Variants in ATXN10 observed in about 807,000 individuals in gnomAD.
The protein encoded by ATXN10 is ataxin-10.
A neutral mutation model predicts 52.9 loss-of-function variants in ATXN10; 28 were observed. That is an observed-to-expected ratio of 0.53 (90% CI 0.39 to 0.73). ATXN10 has a LOEUF of 0.73. Ranked by LOEUF, ATXN10 falls within the 30% of genes least tolerant of loss-of-function variation. The pLI is 0.00. For missense variants in ATXN10, 565 were observed against 577.0 expected, an observed-to-expected ratio of 0.98 and a Z score of 0.21; for synonymous variants, 226 against 221.5, an observed-to-expected ratio of 1.02 and a Z score of -0.18.
rs1380447677 is a variant in ATXN10, at chr22:45,835,338, G to A, written c.1238-7653G>A. Among the ~76,000 whole-genome samples the A allele has an allele frequency of 6.6e-6, 1 of 152,212 alleles. No homozygotes were observed. Among genetic ancestry groups the A allele is most frequent in the Non-Finnish European group, 1.5e-5 (1 of 68,038 alleles). On this transcript the variant is annotated intron_variant, in intron 10 of 11. Transcript: ENST00000252934. The surrounding 1 kb of genome is among the most constrained non-coding windows in gnomAD (Gnocchi z 5.0). Reference sequence around the variant, plus strand: ...GAGAGTACACGCCCAGCAAGGCCTGGACAGCGCACTGGTGCCACAGCCCTT... The same window carrying A: ...GAGAGTACACGCCCAGCAAGGCCTGAACAGCGCACTGGTGCCACAGCCCTT...
intron 9 of ATXN10, among the ~76,000 whole-genome samples, chr22:45,771,296 A>T (rs1337545901): frequency 1.3e-5 from 2 of 152,246 alleles, no homozygotes; most frequent in Admixed American, 1.3e-4. Context: ...AGTATTTTTA[A>T]TTTAACCATT....
chr22:45,711,727 G>A (rs776136101), intron 5 of ATXN10, among the ~76,000 whole-genome samples: 16 of 152,050 alleles, frequency 1.1e-4, no homozygotes, highest in African/African-American at 1.7e-4. Context: ...ACTCGGTAAA[G>A]CACCTGTGTA....
chr22:45,788,256 G>T (rs575482510), intron 9 of ATXN10, among the ~76,000 whole-genome samples: 2 of 151,960 alleles, frequency 1.3e-5, no homozygotes, highest in African/African-American at 4.8e-5. Context: ...TAGGTGTCTC[G>T]TCTCTAAGTG....
chr22:45,838,346 G>A (rs1484638198), intron 10 of ATXN10, among the ~76,000 whole-genome samples: 2 of 152,156 alleles, frequency 1.3e-5, no homozygotes, highest in Non-Finnish European at 2.9e-5. Context: ...CTGTGGTCTT[G>A]GTGGCCTGGG....
chr22:45,843,277 A>G lies in ATXN10; in HGVS notation c.1425+99A>G, dbSNP rs1048547144. 3.0e-6 allele frequency: 4 copies of G among 1,331,990 alleles called. No individual in the cohort carries two copies. The highest frequency in any genetic ancestry group is 1.4e-5 in the African/African-American group (1 of 69,154). 82.5% of individuals were successfully genotyped at this position (1,331,990 alleles called of 1,614,324 possible). The stretch of plus-strand genomic sequence containing the variant: ...CACGAGGCTCTTTGTAAGAATATGG[A>G]TGGGAGAATTGTGCCCTCTATAGTG... On this transcript the variant is annotated intron_variant, in intron 11 of 11. Coordinates refer to ENST00000252934, the MANE Select transcript of ATXN10 (RefSeq NM_013236.4). This position sits in a 1 kb window ranked among gnomAD's most constrained non-coding sequence, Gnocchi z 4.5.
chr22:45,717,477 G>A (rs1924489835), intron 5 of ATXN10, among the ~76,000 whole-genome samples: 1 of 152,124 alleles, frequency 6.6e-6, no homozygotes, highest in African/African-American at 2.4e-5. Flanking sequence ...CAGATTGATA[G>A]GAATACTGTT....
At position 45,732,457 on chromosome 22, in the gene ATXN10, C is replaced by CA. The variant is rs971974596; in HGVS notation, c.894+2876dup. ...CTGGGGAAGAGTGAGATCCTGTCTC[C>CA]AAAAAAAAAGAAAAAATTGTAGGCA... On this transcript the variant is annotated intron_variant, in intron 7 of 11. Coordinates refer to ENST00000252934, the MANE Select transcript of ATXN10 (RefSeq NM_013236.4). This position sits in a 1 kb window ranked among gnomAD's most constrained non-coding sequence, Gnocchi z 4.5. 1.2e-4 allele frequency among the ~76,000 whole-genome samples: 18 copies of CA among 147,854 alleles called. No homozygotes were observed. The highest frequency in any genetic ancestry group is 2.7e-4 in the Admixed American group (4 of 14,816).
chr22:45,735,839 C>G (rs899570473), intron 7 of ATXN10, among the ~76,000 whole-genome samples: 1 of 109,520 alleles, frequency 9.1e-6, no homozygotes, highest in Non-Finnish European at 1.8e-5. Flanking sequence ...TTTTTTTGCC[C>G]TAGTGCCTGA....
Position 45,700,265 on chromosome 22 carries a change from C to CT in ATXN10, c.392-13dup, listed in dbSNP as rs766757216. On this transcript the variant is annotated splice_polypyrimidine_tract_variant and intron_variant, in intron 3 of 11. Transcript: ENST00000252934. ...TAATCATTTATTTATTTATTTATAACTTTTATATATTCTTAGCTTTTCGCT... is the reference window on the plus strand; with the variant it reads ...TAATCATTTATTTATTTATTTATAACTTTTTATATATTCTTAGCTTTTCGCT... 7 of 1,529,600 alleles carry CT rather than the reference C, an allele frequency of 4.6e-6. No homozygotes were observed. The Admixed American group carries it at 1.2e-4, about 26-fold the overall frequency. The allele number at this position is 1,529,600 out of a possible 1,614,324, so 94.8% of individuals were successfully genotyped here.
intron 9 of ATXN10, among the ~76,000 whole-genome samples, chr22:45,752,485 A>T (rs73443010): frequency 0.02 from 2,671 of 135,812 alleles, 87 homozygotes; most frequent in African/African-American, 0.069. Flanking sequence ...TCAGCCTTGC[A>T]GGCAGTGGGT....
intron 10 of ATXN10, among the ~76,000 whole-genome samples, chr22:45,836,435 G>A (rs889787244): frequency 2.6e-5 from 4 of 152,154 alleles, no homozygotes; most frequent in African/African-American, 9.7e-5. Context: ...CTCCTGCCTT[G>A]CTCTCCAGCA....
chr22:45,724,360 A>C (rs1156374977), intron 6 of ATXN10, among the ~76,000 whole-genome samples: 2 of 151,836 alleles, frequency 1.3e-5, no homozygotes, highest in Non-Finnish European at 2.9e-5. Flanking sequence ...AATAATGGCC[A>C]CTCTGACAGG....
chr22:45,749,156 A>G (rs962446582), intron 9 of ATXN10, among the ~76,000 whole-genome samples: 7 of 152,138 alleles, frequency 4.6e-5, no homozygotes, highest in Admixed American at 4.6e-4. Context: ...AATTCCTACC[A>G]CTGCATATTC....
chr22:45,671,916 C>T lies in ATXN10; in HGVS notation c.-148C>T, dbSNP rs964614550. ...CGGCGCAGCTTCAGGGCAGCGCGGG[C>T]TGCAGCGGCGGCGGCGGTTAGGGCT... On this transcript the variant is annotated 5_prime_UTR_variant, in exon 1 of 12. Transcript: ENST00000252934. 73 of 851,936 alleles carry T rather than the reference C, an allele frequency of 8.6e-5. No individual in the cohort carries two copies. The highest frequency in any genetic ancestry group is 1.2e-4 in the Non-Finnish European group (68 of 572,340). 52.8% of individuals were successfully genotyped at this position (851,936 alleles called of 1,614,324 possible). A position where few individuals can be genotyped will look rare whatever the true frequency, so the allele number is the denominator to read the frequency against.
intron 10 of ATXN10, among the ~76,000 whole-genome samples, chr22:45,829,275 A>G (rs2146907971): frequency 6.6e-6 from 1 of 152,312 alleles, no homozygotes. Context: ...AACAGCAAAC[A>G]TAACTCCACG....
intron 8 of ATXN10, among the ~76,000 whole-genome samples, chr22:45,739,974 A>T (rs1409808394): frequency 6.6e-6 from 1 of 152,202 alleles, no homozygotes; most frequent in Admixed American, 6.5e-5. Context: ...ATGCATCATT[A>T]TGGATAGATA....
chr22:45,708,189 A>G lies in ATXN10; in HGVS notation c.647+5342A>G, dbSNP rs900668373. ...GTCTGTTCTTTTGTTTGTAGGTGTG[A>G]AAGATGTTTTCATGCTCTTAGATAA... On this transcript the variant is annotated intron_variant, in intron 5 of 11. Coordinates refer to ENST00000252934, the MANE Select transcript of ATXN10 (RefSeq NM_013236.4). This position sits in a 1 kb window ranked among gnomAD's most constrained non-coding sequence, Gnocchi z 5.3. 6.6e-5 allele frequency among the ~76,000 whole-genome samples: 10 copies of G among 152,260 alleles called. No individual in the cohort carries two copies. Among genetic ancestry groups the G allele is most frequent in the African/African-American group, 2.4e-4 (10 of 41,556 alleles).
intron 10 of ATXN10, among the ~76,000 whole-genome samples, chr22:45,832,310 A>T (rs1929019999): frequency 6.6e-6 from 1 of 152,276 alleles, no homozygotes; most frequent in South Asian, 2.1e-4. Context: ...TCCCAGCCAT[A>T]CAAGTTTTTC....
At chr22:45,686,672 A>G (rs1923151402) in intron 1 of ATXN10, among the ~76,000 whole-genome samples, 1 of 152,120 alleles carries the variant, frequency 6.6e-6, no homozygotes, top group African/African-American at 2.4e-5. Context: ...CAAAAAAATT[A>G]GCCGGGCGTG....
Sources: allele counts gnomAD v4.1 joint callset (sites outside exome capture counted in the v4.1 genomes callset), GRCh38; gene constraint gnomAD v4.1.1; non-coding constraint Gnocchi (gnomAD v3.1); transcripts MANE v1.5; gene names NCBI Gene and HGNC (gene_info 2026-07-23, HGNC 2026-07-21).